Variants in GRM1 observed in about 807,000 individuals in gnomAD.
The protein encoded by GRM1 is metabotropic glutamate receptor 1.
Under a neutral mutation model 90.9 loss-of-function variants are expected in GRM1, and 33 were observed. That is an observed-to-expected ratio of 0.36 (90% confidence interval 0.28 to 0.49). GRM1 has a LOEUF of 0.49. Ranked by LOEUF, GRM1 falls within the 20% of genes least tolerant of loss-of-function variation. The probability of loss-of-function intolerance (pLI) is 0.99; values close to 1 mark genes in which losing one functional copy is unlikely to be tolerated. For missense variants in GRM1, 1,190 were observed against 1,534.3 expected (o/e 0.78, Z 3.75); for synonymous variants, 700 against 613.2 (o/e 1.14, Z -2.09).
chr6:146,190,802 C>T (rs1778911700), intron 2 of GRM1, among the ~76,000 whole-genome samples: 1 of 152,110 alleles, frequency 6.6e-6, no homozygotes, highest in Non-Finnish European at 1.5e-5. Context: ...AATTGACTTT[C>T]TTGGCTGAGC....
At chr6:146,423,759 G>A (rs1282918110) in intron 7 of GRM1, among the ~76,000 whole-genome samples, 7 of 152,072 alleles carry the variant, frequency 4.6e-5, no homozygotes, top group South Asian at 2.1e-4. Flanking sequence ...GCATCCCCCC[G>A]CCCCTTGTTT....
intron 1 of GRM1, among the ~76,000 whole-genome samples, chr6:146,117,533 G>T (rs1366780265): frequency 1.3e-5 from 2 of 151,530 alleles, no homozygotes; most frequent in Admixed American, 1.3e-4. Context: ...TATTTTTCTT[G>T]TGATCACTTC....
chr6:146,431,414 A>T (rs1778401378), intron 7 of GRM1, among the ~76,000 whole-genome samples: 1 of 152,228 alleles, frequency 6.6e-6, no homozygotes, highest in African/African-American at 2.4e-5. Context: ...ACCTGTGGAC[A>T]ATGAGGAAAA....
intron 1 of GRM1, among the ~76,000 whole-genome samples, chr6:146,154,115 A>G (rs1777436033): frequency 6.6e-6 from 1 of 152,150 alleles, no homozygotes; most frequent in Admixed American, 6.5e-5. Context: ...GGATTTTCTT[A>G]TTCTAATGCA....
At chr6:146,428,506 T>C (rs533586782) in intron 7 of GRM1, among the ~76,000 whole-genome samples, 32 of 152,296 alleles carry the variant, frequency 2.1e-4, no homozygotes, top group Middle Eastern at 3.4e-3. Flanking sequence ...AGTTTTCCCA[T>C]TTCTCAGGGT....
At chr6:146,300,654 A>G (rs1229597017) in intron 2 of GRM1, among the ~76,000 whole-genome samples, 1 of 152,244 alleles carries the variant, frequency 6.6e-6, no homozygotes, top group Non-Finnish European at 1.5e-5. Flanking sequence ...TGAGAAGCAG[A>G]TGGAGCAGCA....
chr6:146,382,209 G>A (rs1036623491), intron 5 of GRM1, among the ~76,000 whole-genome samples: 7 of 151,250 alleles, frequency 4.6e-5, no homozygotes, highest in Non-Finnish European at 7.4e-5. Context: ...CTTATTGAAC[G>A]TATACATCAT....
chr6:146,351,114 T>C (rs1008899046), intron 3 of GRM1, among the ~76,000 whole-genome samples: 6 of 152,190 alleles, frequency 3.9e-5, no homozygotes, highest in Non-Finnish European at 7.3e-5. Context: ...TAAATATTTC[T>C]CTGCTAGTCT....
intron 1 of GRM1, among the ~76,000 whole-genome samples, chr6:146,102,945 G>A (rs1013726038): frequency 2.0e-5 from 3 of 152,176 alleles, no homozygotes; most frequent in African/African-American, 7.2e-5. Context: ...CTTCATTAAA[G>A]TTAATGGGTG....
chr6:146,382,045 C>G (rs780598370), intron 5 of GRM1, among the ~76,000 whole-genome samples: 2 of 151,980 alleles, frequency 1.3e-5, no homozygotes, highest in Non-Finnish European at 2.9e-5. Context: ...AAGCATAGAA[C>G]CATGTACACA....
At chr6:146,065,975 C>T (rs6930975) in intron 1 of GRM1, among the ~76,000 whole-genome samples, 66,352 of 151,760 alleles carry the variant, frequency 0.44, 14,769 homozygotes, top group Middle Eastern at 0.54. Context: ...AAAACCTGAT[C>T]AGAATTTGAA....
At position 146,312,349 on chromosome 6, in the gene GRM1, C is replaced by CAAAAAAAAAAAA. The variant is rs1166008558; in HGVS notation, c.1186+7522_1186+7533dup. Among the ~76,000 whole-genome samples, 8 of 21,336 alleles carry CAAAAAAAAAAAA rather than the reference C, an allele frequency of 3.7e-4. 1 individual carries two copies. Among genetic ancestry groups the CAAAAAAAAAAAA allele is most frequent in the Non-Finnish European group, 4.6e-4 (5 of 10,810 alleles). 14.0% of individuals were successfully genotyped at this position (21,336 alleles called of 152,430 possible). On this transcript the variant is annotated intron_variant, in intron 3 of 7. Transcript: ENST00000282753. ...GAGCCTGGGTGAAAGAACTCCGTCTCAAAAAAAAAAAAAAAAAAAAAAAAA... is the reference window on the plus strand; with the variant it reads ...GAGCCTGGGTGAAAGAACTCCGTCTCAAAAAAAAAAAAAAAAAAAAAAAAAAAAAAAAAAAAA...
At chr6:146,131,187 T>A (rs992664230) in intron 1 of GRM1, among the ~76,000 whole-genome samples, 1 of 152,212 alleles carries the variant, frequency 6.6e-6, no homozygotes, top group African/African-American at 2.4e-5. Context: ...CACATTTCAT[T>A]GATTATGTCA....
rs1053554223 is a variant in GRM1, at chr6:146,122,066, T to C, written c.701-37282T>C. 3.3e-5 allele frequency among the ~76,000 whole-genome samples: 5 copies of C among 152,202 alleles called. No individual in the cohort carries two copies. In the South Asian group the frequency reaches 1.0e-3, roughly 32 times the overall value. ...CTCCCATTATTATTGTGTGGGAGTC[T>C]AAGTCTCTTTGTAGGTCTCTAAGGA... On this transcript the variant is annotated intron_variant, in intron 1 of 7. Transcript: ENST00000282753.
At chr6:146,396,493 C>T (rs1776941051) in intron 6 of GRM1, among the ~76,000 whole-genome samples, 1 of 152,158 alleles carries the variant, frequency 6.6e-6, no homozygotes, top group South Asian at 2.1e-4. Flanking sequence ...CAAACATTAG[C>T]ACTCAGGGCC....
At chr6:146,144,667 G>A (rs1777022201) in intron 1 of GRM1, among the ~76,000 whole-genome samples, 1 of 152,178 alleles carries the variant, frequency 6.6e-6, no homozygotes, top group Non-Finnish European at 1.5e-5. Context: ...TGCCAATAAT[G>A]AATACCTGAA....
Position 146,030,162 on chromosome 6 carries a change from G to T in GRM1, c.645G>T (p.Met215Ile). ...VPSDTLQARA[M>I]LDIVKRYNWT... The stretch of plus-strand genomic sequence containing the variant: ...CTGACACTTTGCAGGCAAGGGCCAT[G>T]CTTGACATAGTCAAACGTTACAATT... Residue 215 changes from methionine to isoleucine, a missense_variant, in exon 1 of 8, where the codon ATG (methionine) becomes ATT (isoleucine). By Grantham distance (10) the Met-to-Ile change is conservative. This residue lies in a region of GRM1 where 46 missense variants were observed against 116.1 expected (regional missense o/e 0.40). Coordinates refer to ENST00000282753, the MANE Select transcript of GRM1 (RefSeq NM_001278064.2). The T allele has an allele frequency of 6.2e-7, 1 of 1,614,108 alleles. No individual in the cohort carries two copies. The highest frequency in any genetic ancestry group is 2.2e-5 in the East Asian group (1 of 44,870).
chr6:146,434,547 G>C lies in GRM1; in HGVS notation c.3336G>C (p.Glu1112Asp). The C allele has an allele frequency of 6.2e-7, 1 of 1,614,172 alleles. No homozygotes were observed. The highest frequency in any genetic ancestry group is 2.2e-5 in the East Asian group (1 of 44,856). ...AGCTCCTCCAGGAGTACGTGTATGA[G>C]CACGAGCGGGAAGGGAACACGGAAG... ...RFKLLQEYVY[E>D]HEREGNTEED... The change falls in exon 8 of 8, where the codon GAG becomes GAC. Residue 1112 changes from glutamate to aspartate, a missense_variant. Coordinates refer to ENST00000282753, the MANE Select transcript of GRM1 (RefSeq NM_001278064.2).
Position 146,357,586 on chromosome 6 carries a change from A to G in GRM1, c.1494A>G (p.Gly498=), listed in dbSNP as rs767873257. The G allele has an allele frequency of 2.8e-5, 45 of 1,613,656 alleles. No individual in the cohort carries two copies. The highest frequency in any genetic ancestry group is 1.3e-5 in the African/African-American group (1 of 74,922). Residue 498 remains glycine (G), a synonymous_variant, in exon 5 of 8, where the codon GGA becomes GGG. Transcript: ENST00000282753. ...EANRYDYVHV[G]TWHEGVLNID... ...ATCGCTATGACTATGTGCACGTTGG[A>G]ACCTGGCATGAAGGAGTGCTGAACA...
Sources: allele counts gnomAD v4.1 joint callset (sites outside exome capture counted in the v4.1 genomes callset), GRCh38; gene constraint gnomAD v4.1.1; regional missense constraint gnomAD v4.1.1; transcripts MANE v1.5; gene names NCBI Gene and HGNC (gene_info 2026-07-23, HGNC 2026-07-21).